Variants in LDLRAD4 observed in about 807,000 individuals in gnomAD.
LDLRAD4 encodes low density lipoprotein receptor class A domain containing 4.
A neutral mutation model predicts 17.0 loss-of-function variants in LDLRAD4; 5 were observed. The observed-to-expected ratio is 0.29, with a 90% CI of 0.15 to 0.62. The LOEUF (loss-of-function observed/expected upper bound fraction) is 0.62, where lower values mean the gene tolerates loss of function less well. LDLRAD4 is among the 20% of genes least tolerant of loss of function. The pLI is 0.84. For missense variants in LDLRAD4, 340 were observed against 424.7 expected (o/e 0.80, Z 1.75); for synonymous variants, 168 against 171.8 (o/e 0.98, Z 0.17).
intron 3 of LDLRAD4, among the ~76,000 whole-genome samples, chr18:13,507,132 A>G (rs891822231): frequency 4.6e-5 from 7 of 152,128 alleles, no homozygotes; most frequent in African/African-American, 1.7e-4. Context: ...GATCTGTGAC[A>G]GTGATCTTTT....
intron 1 of LDLRAD4, among the ~76,000 whole-genome samples, chr18:13,348,611 A>G (rs1164984281): frequency 6.6e-6 from 1 of 152,114 alleles, no homozygotes; most frequent in Non-Finnish European, 1.5e-5. Context: ...TCAGACAGGG[A>G]CATTTAAGTC....
intron 3 of LDLRAD4, among the ~76,000 whole-genome samples, chr18:13,465,393 A>G (rs1869093448): frequency 1.3e-5 from 2 of 152,216 alleles, no homozygotes; most frequent in Non-Finnish European, 2.9e-5. Context: ...TAACTTCTTA[A>G]AGGCTCATAT....
At chr18:13,361,156 C>G (rs1468161711) in intron 1 of LDLRAD4, among the ~76,000 whole-genome samples, 1 of 152,190 alleles carries the variant, frequency 6.6e-6, no homozygotes, top group East Asian at 1.9e-4. Flanking sequence ...TACACTTCTA[C>G]AAGCTCCGCC....
intron 3 of LDLRAD4, among the ~76,000 whole-genome samples, chr18:13,485,736 A>T (rs1012916466): frequency 6.6e-6 from 1 of 152,208 alleles, no homozygotes; most frequent in Non-Finnish European, 1.5e-5. Flanking sequence ...ACCCAGGCCT[A>T]GGAGCGGTGG....
At chr18:13,502,201 G>A (rs1235377385) in intron 3 of LDLRAD4, among the ~76,000 whole-genome samples, 6 of 152,206 alleles carry the variant, frequency 3.9e-5, no homozygotes, top group African/African-American at 1.4e-4. Context: ...TTAAAGTTAC[G>A]TGTCCTGTCA....
At chr18:13,639,278 C>T (rs1022587621) in intron 4 of LDLRAD4, among the ~76,000 whole-genome samples, 3 of 152,158 alleles carry the variant, frequency 2.0e-5, no homozygotes, top group African/African-American at 4.8e-5. Flanking sequence ...AAATGTTCTC[C>T]ATAGCATGTG....
chr18:13,464,242 T>TAA (rs1327596164), intron 3 of LDLRAD4, among the ~76,000 whole-genome samples: 1 of 152,220 alleles, frequency 6.6e-6, no homozygotes, highest in Non-Finnish European at 1.5e-5. Context: ...TTTGGCCACA[T>TAA]TTTCTATTAT....
At chr18:13,529,542 G>C (rs2094094760) in intron 3 of LDLRAD4, among the ~76,000 whole-genome samples, 1 of 152,196 alleles carries the variant, frequency 6.6e-6, no homozygotes, top group Non-Finnish European at 1.5e-5. Context: ...CACAGAACTA[G>C]ACCCAAGTAA....
chr18:13,486,239 T>C (rs1169000054), intron 3 of LDLRAD4, among the ~76,000 whole-genome samples: 1 of 152,232 alleles, frequency 6.6e-6, no homozygotes, highest in Non-Finnish European at 1.5e-5. Flanking sequence ...ATATGTCACA[T>C]TGGAGGTGAT....
At chr18:13,597,105 T>C (rs2095105125) in intron 3 of LDLRAD4, among the ~76,000 whole-genome samples, 1 of 152,218 alleles carries the variant, frequency 6.6e-6, no homozygotes, top group Non-Finnish European at 1.5e-5. Context: ...GTGAGTCTAC[T>C]AGCAACAGTC....
At chr18:13,377,642 C>T (rs1208810252) in intron 1 of LDLRAD4, among the ~76,000 whole-genome samples, 1 of 152,160 alleles carries the variant, frequency 6.6e-6, no homozygotes, top group Non-Finnish European at 1.5e-5. Context: ...TTCCTCTCTC[C>T]AGAGGAAAGT....
At chr18:13,330,497 T>A (rs1249868199) in intron 1 of LDLRAD4, among the ~76,000 whole-genome samples, 2 of 152,224 alleles carry the variant, frequency 1.3e-5, no homozygotes, top group East Asian at 3.8e-4. Flanking sequence ...TTCAGAAAAC[T>A]TTATTAATCT....
intron 3 of LDLRAD4, among the ~76,000 whole-genome samples, chr18:13,593,001 A>G (rs1233464346): frequency 6.6e-6 from 1 of 152,232 alleles, no homozygotes; most frequent in Non-Finnish European, 1.5e-5. Flanking sequence ...ATATTGTTTT[A>G]TATTTTTAAT....
chr18:13,651,472 C>T (rs1433568094), exon 6 of LDLRAD4: 1 of 152,234 alleles, frequency 6.6e-6, no homozygotes, highest in African/African-American at 2.4e-5. Flanking sequence ...CATCCATTCC[C>T]ATTCATGTCC....
intron 3 of LDLRAD4, among the ~76,000 whole-genome samples, chr18:13,541,320 T>C (rs982831380): frequency 1.2e-4 from 18 of 152,356 alleles, no homozygotes; most frequent in African/African-American, 4.1e-4. Flanking sequence ...AAACTTGGAC[T>C]GACATTAACC....
chr18:13,375,541 C>G (rs566311423), intron 1 of LDLRAD4, among the ~76,000 whole-genome samples: 2 of 152,094 alleles, frequency 1.3e-5, no homozygotes, highest in African/African-American at 4.8e-5. Context: ...AGGGCAGGGC[C>G]GAAGCTGAGT....
At chr18:13,493,575 C>T (rs1003949317) in intron 3 of LDLRAD4, among the ~76,000 whole-genome samples, 10 of 152,200 alleles carry the variant, frequency 6.6e-5, no homozygotes, top group Non-Finnish European at 1.5e-4. Flanking sequence ...AGCTGGTCAT[C>T]GCTTTATATG....
intron 4 of LDLRAD4, among the ~76,000 whole-genome samples, 190 bp from the exon 6 acceptor site, chr18:13,643,169 C>T (rs1251261106): frequency 2.6e-5 from 4 of 152,132 alleles, no homozygotes; most frequent in African/African-American, 7.2e-5. Flanking sequence ...CTCCTGACCT[C>T]GTGATCCATC....
intron 2 of LDLRAD4, among the ~76,000 whole-genome samples, chr18:13,394,846 G>A (rs2086532531): frequency 6.6e-6 from 1 of 152,258 alleles, no homozygotes; most frequent in Non-Finnish European, 1.5e-5. Flanking sequence ...GGATGTTGTA[G>A]TTATCCCTGA....
Sources: allele counts gnomAD v4.1 joint callset (sites outside exome capture counted in the v4.1 genomes callset), GRCh38; gene constraint gnomAD v4.1.1; transcripts MANE v1.5; gene names NCBI Gene and HGNC (gene_info 2026-07-23, HGNC 2026-07-21).